The following PINX1 variants were observed in gnomAD, a reference collection of about 807,000 sequenced individuals.
The protein encoded by PINX1 is PIN2/TERF1-interacting telomerase inhibitor 1.
In PINX1, 34 loss-of-function variants were observed where a neutral mutation model predicts 25.4. That is an observed-to-expected ratio of 1.34 (90% CI 1.02 to 1.78). The LOEUF (loss-of-function observed/expected upper bound fraction) is 1.78. Ranked by LOEUF, PINX1 falls within the 40% of genes most tolerant of loss-of-function variation. The probability of loss-of-function intolerance (pLI) is 0.00; values close to 1 mark genes in which losing one functional copy is unlikely to be tolerated. For synonymous variants in PINX1, 197 were observed against 147.7 expected (o/e 1.33, Z -2.42); for missense variants, 592 against 404.9 (o/e 1.46, Z -3.97).
At chr8:10,838,883 G>C (rs1263131256) in intron 1 of PINX1, among the ~76,000 whole-genome samples, 1 of 152,178 alleles carries the variant, frequency 6.6e-6, no homozygotes, top group African/African-American at 2.4e-5. Flanking sequence ...GACCCATTTC[G>C]TTTTGTGCTC....
At chr8:10,816,064 G>A (rs1043803469) in intron 6 of PINX1, among the ~76,000 whole-genome samples, 1 of 152,216 alleles carries the variant, frequency 6.6e-6, no homozygotes, top group East Asian at 1.9e-4. Flanking sequence ...GTCACGGGCG[G>A]TGTTGGAGGG....
chr8:10,815,560 G>C (rs1389267069), intron 6 of PINX1, among the ~76,000 whole-genome samples: 2 of 152,018 alleles, frequency 1.3e-5, no homozygotes, highest in Non-Finnish European at 2.9e-5. Context: ...TTTGGACCAA[G>C]GACACCTTCG....
intron 6 of PINX1, among the ~76,000 whole-genome samples, chr8:10,803,734 G>A (rs546289925): frequency 1.2e-4 from 18 of 152,286 alleles, no homozygotes; most frequent in South Asian, 6.2e-4. Context: ...TTCTACTTCC[G>A]TGGTACTAAG....
chr8:10,810,079 AGAGT>A (rs1802580351), intron 6 of PINX1, among the ~76,000 whole-genome samples: 1 of 152,210 alleles, frequency 6.6e-6, no homozygotes, highest in Non-Finnish European at 1.5e-5. Flanking sequence ...GTGTGAACTC[AGAGT>A]GAGAACTCAT....
At chr8:10,789,180 C>T (rs538213574) in intron 6 of PINX1, among the ~76,000 whole-genome samples, 1 of 152,324 alleles carries the variant, frequency 6.6e-6, no homozygotes, top group East Asian at 1.9e-4. Flanking sequence ...CCAAGGCTGA[C>T]GGTAACTGAC....
chr8:10,767,445 A>G (rs923842100), intron 6 of PINX1, among the ~76,000 whole-genome samples: 21 of 152,238 alleles, frequency 1.4e-4, no homozygotes, highest in African/African-American at 4.8e-4. Flanking sequence ...TGGAATTTCA[A>G]AATAGGCAGA....
chr8:10,817,106 C>T (rs1797721913), intron 6 of PINX1, among the ~76,000 whole-genome samples: 1 of 152,142 alleles, frequency 6.6e-6, no homozygotes, highest in Non-Finnish European at 1.5e-5. Flanking sequence ...ATGGTTAACG[C>T]CAACGTTCTG....
intron 1 of PINX1, among the ~76,000 whole-genome samples, chr8:10,839,397 G>C (rs1415971025): frequency 6.6e-6 from 1 of 152,224 alleles, no homozygotes; most frequent in Non-Finnish European, 1.5e-5. Flanking sequence ...GCTGAGGTCC[G>C]GGGTGGGTGA....
intron 6 of PINX1, among the ~76,000 whole-genome samples, chr8:10,809,471 C>G (rs1802557703): frequency 6.6e-6 from 1 of 152,166 alleles, no homozygotes; most frequent in South Asian, 2.1e-4. Context: ...CTCTGTAATG[C>G]TTCTTACTCA....
At chr8:10,808,435 G>C (rs1219611519) in intron 6 of PINX1, among the ~76,000 whole-genome samples, 1 of 152,092 alleles carries the variant, frequency 6.6e-6, no homozygotes, top group Non-Finnish European at 1.5e-5. Context: ...TTACATCTAG[G>C]TGCGTATATT....
intron 5 of PINX1, among the ~76,000 whole-genome samples, chr8:10,824,714 T>G (rs796539189): frequency 1.3e-5 from 2 of 152,310 alleles, no homozygotes; most frequent in African/African-American, 2.4e-5. Context: ...AAAGGAAAAT[T>G]AGAAGATTCT....
chr8:10,817,158 T>G (rs1461087511), intron 6 of PINX1, among the ~76,000 whole-genome samples: 2 of 152,144 alleles, frequency 1.3e-5, no homozygotes, highest in Admixed American at 6.5e-5. Context: ...GGCACCTAAC[T>G]AGAGCACCCA....
At chr8:10,783,494 G>A (rs1223315517) in intron 6 of PINX1, among the ~76,000 whole-genome samples, 1 of 152,178 alleles carries the variant, frequency 6.6e-6, no homozygotes, top group Non-Finnish European at 1.5e-5. Context: ...CCTGCCAGTT[G>A]CTGCTCCTTC....
At position 10,785,968 on chromosome 8, in the gene PINX1, T is replaced by A. The variant is rs187072023; in HGVS notation, c.472-20052A>T. Among the ~76,000 whole-genome samples, 255 of 152,342 alleles carry A rather than the reference T, an allele frequency of 1.7e-3. 5 individuals carry two copies. The highest frequency in any genetic ancestry group is 2.9e-4 in the Non-Finnish European group (20 of 68,030). ...ACCTGAAAAGATTCTGGACTGCGTA[T>A]ATCACTACCAGATTAAGGGAGTTTA... On this transcript the variant is annotated intron_variant, in intron 6 of 6. Coordinates refer to ENST00000314787, the MANE Select transcript of PINX1 (RefSeq NM_017884.6).
At chr8:10,829,690 CT>C (rs35878893) in intron 4 of PINX1, among the ~76,000 whole-genome samples, 35 of 148,420 alleles carry the variant, frequency 2.4e-4, no homozygotes, top group Admixed American at 2.7e-4. Context: ...TTCTTACATT[CT>C]TTTTTTTTTT....
intron 5 of PINX1, among the ~76,000 whole-genome samples, chr8:10,823,239 A>G (rs1455158507): frequency 6.6e-6 from 1 of 152,248 alleles, no homozygotes; most frequent in Non-Finnish European, 1.5e-5. Flanking sequence ...GCACCTGCAC[A>G]TGCGTTAGGC....
Position 10,776,724 on chromosome 8 carries a change from G to A in PINX1, c.472-10808C>T, listed in dbSNP as rs535613735. 1.3e-3 allele frequency among the ~76,000 whole-genome samples: 198 copies of A among 152,254 alleles called. 5 individuals carry two copies. In the South Asian group the frequency reaches 0.038, roughly 29 times the overall value. On this transcript the variant is annotated intron_variant, in intron 6 of 6. Transcript: ENST00000314787. ...AAGGTCAGGAAGGGACCACGAGGAA[G>A]GGGAAGCAAGGGATGGGATGGTGCT...
At chr8:10,829,700 T>C (rs1234620560) in intron 4 of PINX1, among the ~76,000 whole-genome samples, 1 of 152,024 alleles carries the variant, frequency 6.6e-6, no homozygotes, top group Non-Finnish European at 1.5e-5. Flanking sequence ...CTTTTTTTTT[T>C]TGGAGATGGA....
At chr8:10,826,623 C>G (rs1206278760) in intron 4 of PINX1, among the ~76,000 whole-genome samples, 3 of 152,210 alleles carry the variant, frequency 2.0e-5, no homozygotes, top group Admixed American at 1.3e-4. Flanking sequence ...AATGCATGAA[C>G]AGCTGAGCAA....
Sources: gnomAD v4.1 joint callset for allele counts (sites outside exome capture counted in the v4.1 genomes callset) on GRCh38, gnomAD v4.1.1 for gene constraint, MANE v1.5 for transcripts, NCBI Gene and HGNC (gene_info 2026-07-23, HGNC 2026-07-21) for gene names.